The following CEP120 variants were observed in gnomAD, a reference collection of about 807,000 sequenced individuals.
CEP120 encodes the protein centrosomal protein of 120 kDa.
CEP120 carries 113 observed loss-of-function variants against 126.5 expected under a neutral mutation model. That is an observed-to-expected ratio of 0.89 (90% CI 0.77 to 1.04). CEP120 has a LOEUF of 1.04. Ranked by LOEUF, CEP120 falls within the 50% of genes least tolerant of loss-of-function variation. The probability of loss-of-function intolerance (pLI) is 0.00; values close to 1 mark genes in which losing one functional copy is unlikely to be tolerated. For synonymous variants in CEP120, 400 were observed against 394.3 expected (o/e 1.01, Z -0.17); for missense variants, 1,230 against 1,155.7 (o/e 1.06, Z -0.93).
chr5:123,393,619 CAAATA>C, intron 5 of CEP120, 122 bp from the exon 6 acceptor site: 2 of 761,406 alleles, frequency 2.6e-6, no homozygotes, highest in Non-Finnish European at 4.1e-6. Context: ...CTTAACCGCT[CAAATA>C]AAATTTCTGA....
At chr5:123,419,492 A>G (rs957724416) in intron 1 of CEP120, among the ~76,000 whole-genome samples, 4 of 151,420 alleles carry the variant, frequency 2.6e-5, no homozygotes, top group Non-Finnish European at 5.9e-5. Flanking sequence ...GGCAGTGAGC[A>G]CTGCACTCCA....
chr5:123,390,471 G>A, intron 7 of CEP120: 2 of 353,590 alleles, frequency 5.7e-6, no homozygotes, highest in Non-Finnish European at 5.4e-6. Context: ...CTCCTAAAGA[G>A]AAAAAACACA....
In CEP120 at chr5:123,423,319, C is replaced by A. The variant is rs1431203478; in HGVS notation, c.-321G>T. 1.4e-5 allele frequency: 5 copies of A among 353,850 alleles called. No homozygotes were observed. The South Asian group carries it at 1.6e-4, about 11-fold the overall frequency. The allele number at this position is 353,850 out of a possible 1,614,324, so 21.9% of individuals were successfully genotyped here. ...CGTAGCCGCTTTTCAAACGCCCGGG[C>A]GGCCGCAGCGGCCGCCGCCGCGCCC... On this transcript the variant is annotated 5_prime_UTR_variant, in exon 1 of 20. Transcript: ENST00000306467.
At chr5:123,369,761 T>A (rs1042183404) in intron 17 of CEP120, among the ~76,000 whole-genome samples, 2 of 152,054 alleles carry the variant, frequency 1.3e-5, no homozygotes, top group Admixed American at 1.3e-4. Context: ...CATTGCCACA[T>A]TCAATGACAT....
intron 5 of CEP120, among the ~76,000 whole-genome samples, chr5:123,396,726 A>T (rs1772815321): frequency 6.6e-6 from 1 of 152,222 alleles, no homozygotes; most frequent in Admixed American, 6.5e-5. Flanking sequence ...TGAGATTCCA[A>T]CTCAAATCTA....
Position 123,346,583 on chromosome 5 carries a change from C to T in CEP120, c.2897G>A (p.Arg966Gln), listed in dbSNP as rs759424375. The part of the protein sequence containing the change: ...MRTGVYNHED[R>Q]IISELDRQIR... ...CTGTCGGTCGAGTTCACTTATTATT[C>T]GATCCTCGTGATTATACACACCCGT... The change falls in exon 20 of 20, where the codon CGA becomes CAA. Residue 966 changes from arginine to glutamine, a missense_variant. Coordinates refer to ENST00000306467, the MANE Select transcript of CEP120 (RefSeq NM_001375405.1). The T allele has an allele frequency of 8.7e-6, 14 of 1,613,726 alleles. No homozygotes were observed. The South Asian group carries it at 9.9e-5, about 11-fold the overall frequency.
At chr5:123,359,379 G>A (rs1051463008) in intron 18 of CEP120, among the ~76,000 whole-genome samples, 3 of 152,010 alleles carry the variant, frequency 2.0e-5, no homozygotes, top group African/African-American at 7.2e-5. Flanking sequence ...TTTTTAAAAA[G>A]TAGGTTTTAT....
intron 17 of CEP120, among the ~76,000 whole-genome samples, chr5:123,367,422 GTATGTA>G (rs2127008571): frequency 6.6e-6 from 1 of 151,770 alleles, no homozygotes; most frequent in African/African-American, 2.4e-5. Context: ...ATATATGTAT[GTATGTA>G]TATATATCCC....
intron 19 of CEP120, among the ~76,000 whole-genome samples, chr5:123,348,489 A>C (rs535146075): frequency 2.2e-4 from 34 of 152,366 alleles, no homozygotes; most frequent in Non-Finnish European, 4.4e-4. Context: ...TTCCTGAATA[A>C]ATGAGAATAA....
At chr5:123,349,285 A>ATCT (rs1491198962) in intron 19 of CEP120, among the ~76,000 whole-genome samples, 1 of 152,150 alleles carries the variant, frequency 6.6e-6, no homozygotes, top group Non-Finnish European at 1.5e-5. Context: ...TCTGTCTTTA[A>ATCT]TCTTCAATCT....
At chr5:123,399,056 C>T in intron 5 of CEP120, 80 bp downstream of exon 5, 1 of 1,118,460 alleles carries the variant, frequency 8.9e-7, no homozygotes, top group Non-Finnish European at 1.2e-6. Flanking sequence ...ACTTGCAAGT[C>T]TTTTTAATAC....
At chr5:123,385,258 C>T in intron 10 of CEP120, 125 bp from the exon 11 acceptor site, 1 of 658,614 alleles carries the variant, frequency 1.5e-6, no homozygotes, top group Non-Finnish European at 2.5e-6. Context: ...TGTCGTCTAA[C>T]ACAATTGTTA....
At chr5:123,402,646 C>CA (rs1194287834) in intron 4 of CEP120, among the ~76,000 whole-genome samples, 1 of 152,188 alleles carries the variant, frequency 6.6e-6, no homozygotes, top group African/African-American at 2.4e-5. Flanking sequence ...CTCCTGGCCT[C>CA]AAGTGATCCA....
chr5:123,418,989 A>G lies in CEP120; in HGVS notation c.50-474T>C, dbSNP rs113086671. The stretch of plus-strand genomic sequence containing the variant: ...ACATATACACTCACTTCCATAATTC[A>G]TAAGAAACATGAATCAAATGGAAAG... On this transcript the variant is annotated intron_variant, in intron 1 of 19. Coordinates refer to ENST00000306467, the MANE Select transcript of CEP120 (RefSeq NM_001375405.1). Among the ~76,000 whole-genome samples, 500 of 152,294 alleles carry G rather than the reference A, an allele frequency of 3.3e-3. 3 individuals carry two copies. The highest frequency in any genetic ancestry group is 0.011 in the African/African-American group (474 of 41,554).
rs1283710897 is a variant in CEP120 at position 123,389,017 on chromosome 5, CAGAA to C, written c.1256-415_1256-412del. On this transcript the variant is annotated intron_variant, in intron 8 of 19. Transcript: ENST00000306467. ...GTTATTTTAGGCATATTTAAAATAACAGAAAGCTAAAACTTAAAAAGACAGATAT... is the reference window on the plus strand; with the variant it reads ...GTTATTTTAGGCATATTTAAAATAACAGCTAAAACTTAAAAAGACAGATAT... Among the ~76,000 whole-genome samples, 7 of 152,092 alleles carry C rather than the reference CAGAA, an allele frequency of 4.6e-5. 1 individual carries two copies. Among genetic ancestry groups the C allele is most frequent in the Middle Eastern group, 3.2e-3 (1 of 316 alleles).
chr5:123,354,767 C>T (rs986165400), intron 18 of CEP120, among the ~76,000 whole-genome samples: 1 of 102,754 alleles, frequency 9.7e-6, no homozygotes, highest in East Asian at 2.4e-4. Flanking sequence ...AGAATTCAAC[C>T]ATCCTATGTT....
chr5:123,351,794 C>T (rs921340347), intron 18 of CEP120, among the ~76,000 whole-genome samples: 1 of 152,100 alleles, frequency 6.6e-6, no homozygotes, highest in Admixed American at 6.6e-5. Context: ...CACATAGGGT[C>T]AGGTGTAGAT....
At chr5:123,378,257 T>C in intron 15 of CEP120, 79 bp downstream of exon 15, 1 of 1,066,018 alleles carries the variant, frequency 9.4e-7, no homozygotes, top group East Asian at 2.7e-5. Flanking sequence ...CTCTTTTGCA[T>C]CTAACTTTTA....
chr5:123,358,002 C>T, intron 18 of CEP120, among the ~76,000 whole-genome samples: 1 of 152,044 alleles, frequency 6.6e-6, no homozygotes, highest in East Asian at 1.9e-4. Context: ...TGAATGTCCC[C>T]TAGTACCAGA....
Sources: gnomAD v4.1 joint callset for allele counts (sites outside exome capture counted in the v4.1 genomes callset) on GRCh38, gnomAD v4.1.1 for gene constraint, MANE v1.5 for transcripts, NCBI Gene and HGNC (gene_info 2026-07-23, HGNC 2026-07-21) for gene names.